The following CCDC122 variants were observed in gnomAD, a reference collection of about 807,000 sequenced individuals.
CCDC122 encodes coiled-coil domain-containing protein 122.
A neutral mutation model predicts 37.0 loss-of-function variants in CCDC122; 38 were observed. The ratio of observed to expected loss-of-function variants is 1.03; its 90% confidence interval spans 0.79 to 1.35. The LOEUF is 1.35. CCDC122 is among the 40% of genes most tolerant of loss of function. The pLI is 0.00. For synonymous variants in CCDC122, 83 were observed against 95.6 expected, an observed-to-expected ratio of 0.87 and a Z score of 0.77; for missense variants, 305 against 310.0, an observed-to-expected ratio of 0.98 and a Z score of 0.12.
intron 6 of CCDC122, chr13:43,856,659 CT>C (rs35753337): frequency 0.37 from 56,984 of 152,150 alleles, 10,932 homozygotes; most frequent in East Asian, 0.52. Flanking sequence ...GAAAAAATCT[CT>C]CAATAATTTG....
intron 4 of CCDC122, among the ~76,000 whole-genome samples, 168 bp from the exon 5 acceptor site, chr13:43,860,238 T>C (rs1030363054): frequency 1.5e-4 from 23 of 152,024 alleles, no homozygotes; most frequent in African/African-American, 5.6e-4. Flanking sequence ...CACAATTATT[T>C]TATAATTTCA....
chr13:43,871,077 AT>A, intron 2 of CCDC122, among the ~76,000 whole-genome samples: 1 of 152,106 alleles, frequency 6.6e-6, no homozygotes, highest in East Asian at 1.9e-4. Flanking sequence ...TATACTGTAT[AT>A]TTGATACTAG....
Position 43,859,870 on chromosome 13 carries a change from C to T in CCDC122, c.357G>A (p.Glu119=), listed in dbSNP as rs1210587589. The T allele has an allele frequency of 1.9e-6, 3 of 1,602,540 alleles. No individual in the cohort carries two copies. Among genetic ancestry groups the T allele is most frequent in the Non-Finnish European group, 2.6e-6 (3 of 1,175,490 alleles). The change falls in exon 5 of 7, where the codon GAG becomes GAA. Residue 119 remains glutamate, a synonymous_variant. Transcript: ENST00000444614. ...ATGCATTATATTTTATCATGTGTTC[C>T]TCAAAATCTTCTTGGGCTGTTTCTA... The part of the protein sequence containing the change: ...FDIETAQEDF[E]EHMIKYNAYY...
intron 6 of CCDC122, among the ~76,000 whole-genome samples, chr13:43,846,041 T>C (rs1453514054): frequency 6.6e-6 from 1 of 152,196 alleles, no homozygotes; most frequent in Non-Finnish European, 1.5e-5. Context: ...TTTTTATTGG[T>C]TGATTCTACT....
At chr13:43,819,790 CAT>C (rs1265702001), downstream of CCDC122, among the ~76,000 whole-genome samples, 9 of 151,956 alleles carry the variant, frequency 5.9e-5, no homozygotes, top group East Asian at 1.2e-3. Context: ...AATTTGTAAA[CAT>C]GTAAATATCT....
downstream of CCDC122, among the ~76,000 whole-genome samples, chr13:43,835,297 C>CTGTTG (rs1953134840): frequency 3.3e-5 from 5 of 151,848 alleles, no homozygotes; most frequent in South Asian, 1.0e-3. Flanking sequence ...ACATCACACA[C>CTGTTG]TGGGGCCTGT....
Position 43,859,676 on chromosome 13 carries a change from A to G in CCDC122, c.551T>C (p.Val184Ala). Residue 184 changes from valine (V) to alanine (A), a missense_variant, in exon 5 of 7, where the codon GTA (valine) becomes GCA (alanine). Coordinates refer to ENST00000444614, the MANE Select transcript of CCDC122 (RefSeq NM_144974.5). ...QNPGGNRITQ[V>A]QEDITNLKDK... ...TTACTAAGTAATTTTGCACACCTGT[A>G]CTTGTGTTATTCGGTTCCCTCCTGG... 1 of 1,536,250 alleles carries G rather than the reference A, an allele frequency of 6.5e-7. No homozygotes were observed. Among genetic ancestry groups the G allele is most frequent in the Non-Finnish European group, 8.7e-7 (1 of 1,148,864 alleles).
chr13:43,863,421 A>G (rs1180748646), intron 4 of CCDC122, among the ~76,000 whole-genome samples: 2 of 152,168 alleles, frequency 1.3e-5, no homozygotes, highest in Non-Finnish European at 2.9e-5. Flanking sequence ...AGTTCATCTA[A>G]CTGATGGGCA....
At chr13:43,838,042 C>A (rs1262611423) in intron 6 of CCDC122, among the ~76,000 whole-genome samples, 2 of 152,182 alleles carry the variant, frequency 1.3e-5, no homozygotes, top group African/African-American at 4.8e-5. Context: ...TGAGAGCAAT[C>A]AAGCCCTTTC....
intron 6 of CCDC122, among the ~76,000 whole-genome samples, chr13:43,840,281 G>T (rs1264787536): frequency 6.6e-6 from 1 of 152,140 alleles, no homozygotes; most frequent in Non-Finnish European, 1.5e-5. Flanking sequence ...CTTTTAAATG[G>T]ACTGATAAAA....
intron 2 of CCDC122, among the ~76,000 whole-genome samples, chr13:43,872,765 C>T (rs1033158895): frequency 6.6e-6 from 1 of 152,086 alleles, no homozygotes; most frequent in Non-Finnish European, 1.5e-5. Flanking sequence ...CTTGGTCAAA[C>T]GTATTATTCT....
At chr13:43,878,390 T>C (rs1954726576) in intron 1 of CCDC122, among the ~76,000 whole-genome samples, 2 of 152,152 alleles carry the variant, frequency 1.3e-5, no homozygotes, top group African/African-American at 4.8e-5. Flanking sequence ...AACATGAATT[T>C]TGACATAACT....
At chr13:43,849,076 C>G (rs1953639579) in intron 6 of CCDC122, 3 of 899,740 alleles carry the variant, frequency 3.3e-6, no homozygotes, top group South Asian at 1.0e-4. Context: ...CCTTCAGCTT[C>G]ATAATTTGTT....
chr13:43,852,611 C>T (rs1024103219), intron 6 of CCDC122, among the ~76,000 whole-genome samples: 1 of 152,000 alleles, frequency 6.6e-6, no homozygotes, highest in African/African-American at 2.4e-5. Flanking sequence ...GAGAGGCCAA[C>T]ATTCAAATTC....
At chr13:43,822,364 C>T (rs1953000414), downstream of CCDC122, among the ~76,000 whole-genome samples, 1 of 152,254 alleles carries the variant, frequency 6.6e-6, no homozygotes. Context: ...GCTACCACCA[C>T]TGGGACTGCA....
chr13:43,832,888 TAAATG>T (rs1195491583), downstream of CCDC122, among the ~76,000 whole-genome samples: 2 of 152,172 alleles, frequency 1.3e-5, no homozygotes, highest in East Asian at 3.8e-4. Flanking sequence ...TTTTGAGAAT[TAAATG>T]AAATCATGTA....
chr13:43,859,962 G>C lies in CCDC122; in HGVS notation c.265C>G (p.His89Asp). 1.2e-6 allele frequency: 2 copies of C among 1,610,684 alleles called. No individual in the cohort carries two copies. Among genetic ancestry groups the C allele is most frequent in the Non-Finnish European group, 1.7e-6 (2 of 1,178,462 alleles). Residue 89 changes from histidine (H) to aspartate (D), a missense_variant, in exon 5 of 7, where the codon CAT (histidine) becomes GAT (aspartate). Transcript: ENST00000444614. ...QDSAIENTKL[H>D]CDSLETQIKS... Reference sequence around the variant, plus strand: ...ATTTGAGTTTCCAGGCTATCACAATGAAGTTTGGTATTCTCTATGGCAGAA... The same window carrying C: ...ATTTGAGTTTCCAGGCTATCACAATCAAGTTTGGTATTCTCTATGGCAGAA...
intron 6 of CCDC122, chr13:43,856,697 G>T (rs1174832468): frequency 2.0e-5 from 3 of 152,148 alleles, no homozygotes; most frequent in African/African-American, 7.3e-5. Flanking sequence ...TTTGTTGCAG[G>T]ATATCTGACA....
downstream of CCDC122, among the ~76,000 whole-genome samples, chr13:43,834,030 T>G (rs1313473711): frequency 6.6e-6 from 1 of 152,150 alleles, no homozygotes; most frequent in Non-Finnish European, 1.5e-5. Context: ...CATCAGGCTT[T>G]GGATACCTCA....
Sources: allele counts gnomAD v4.1 joint callset (sites outside exome capture counted in the v4.1 genomes callset), GRCh38; gene constraint gnomAD v4.1.1; transcripts MANE v1.5; gene names NCBI Gene and HGNC (gene_info 2026-07-23, HGNC 2026-07-21).